EEA1: variants seen among roughly 807,000 people sequenced by gnomAD.
EEA1 encodes the protein early endosome antigen 1, 162kD.
Under a neutral mutation model 209.2 loss-of-function variants are expected in EEA1, and 111 were observed. The ratio of observed to expected loss-of-function variants is 0.53; its 90% CI spans 0.45 to 0.62. EEA1 has a LOEUF of 0.62. Ranked by LOEUF, EEA1 falls within the 20% of genes least tolerant of loss-of-function variation. The probability of loss-of-function intolerance (pLI) is 0.00; values close to 1 mark genes in which losing one functional copy is unlikely to be tolerated. For synonymous variants in EEA1, 536 were observed against 540.6 expected (o/e 0.99, Z 0.12); for missense variants, 1,343 against 1,530.8 (o/e 0.88, Z 2.05).
chr12:92,813,887 C>T (rs559863283), intron 15 of EEA1, among the ~76,000 whole-genome samples: 6 of 151,998 alleles, frequency 3.9e-5, no homozygotes, highest in Non-Finnish European at 8.8e-5. Context: ...GTGGCATGCA[C>T]CTGTAGTCAC....
chr12:92,923,843 T>C (rs1881106423), intron 1 of EEA1, among the ~76,000 whole-genome samples: 1 of 103,672 alleles, frequency 9.6e-6, no homozygotes, highest in Admixed American at 1.1e-4. Context: ...CTACCTCATC[T>C]ACAAAAAAAA....
intron 10 of EEA1, among the ~76,000 whole-genome samples, chr12:92,835,016 G>A (rs1876849736): frequency 6.6e-6 from 1 of 151,898 alleles, no homozygotes; most frequent in Non-Finnish European, 1.5e-5. Flanking sequence ...CAGCAGCTGG[G>A]ATTACAGGCT....
At chr12:92,842,161 T>C (rs917087563) in intron 10 of EEA1, among the ~76,000 whole-genome samples, 2 of 152,010 alleles carry the variant, frequency 1.3e-5, no homozygotes, top group African/African-American at 4.8e-5. Context: ...AAAAGACAAA[T>C]ACTGTATGGT....
chr12:92,798,770 G>GA, intron 21 of EEA1, 122 bp downstream of exon 21: 2 of 644,692 alleles, frequency 3.1e-6, no homozygotes, highest in Non-Finnish European at 4.8e-6. Flanking sequence ...ATTAAACTTA[G>GA]AAAAAAATTA....
At chr12:92,857,239 C>A in intron 5 of EEA1, 36 bp downstream of exon 5, 1 of 1,491,394 alleles carries the variant, frequency 6.7e-7, no homozygotes, top group African/African-American at 1.4e-5. Flanking sequence ...AAATAAACAA[C>A]TAATAAACAT....
In EEA1 at chr12:92,802,443, T is replaced by C. The variant is rs376570847; in HGVS notation, c.2631A>G (p.Glu877=). 17 of 1,579,688 alleles carry C rather than the reference T, an allele frequency of 1.1e-5. No individual in the cohort carries two copies. The Middle Eastern group carries it at 6.0e-4, about 56-fold the overall frequency. Reference sequence around the variant, plus strand: ...CGGCTTTTCCTTTCTGATTCTCCTTTTCAAATTCACTTTTAGAGTTTTTCA... The same window carrying C: ...CGGCTTTTCCTTTCTGATTCTCCTTCTCAAATTCACTTTTAGAGTTTTTCA... ...DSLKNSKSEF[E]KENQKGKAAI... Residue 877 remains glutamate (E), a synonymous_variant, in exon 19 of 29, where the codon GAA becomes GAG. Transcript: ENST00000322349.
intron 2 of EEA1, chr12:92,879,371 A>C (rs1444294051): frequency 4.4e-6 from 2 of 452,182 alleles, no homozygotes; most frequent in Non-Finnish European, 8.9e-6. Context: ...CACCTGTATT[A>C]AAATAGTAAC....
chr12:92,857,125 T>C, intron 5 of EEA1, 150 bp downstream of exon 5: 3 of 547,602 alleles, frequency 5.5e-6, no homozygotes, highest in Non-Finnish European at 9.5e-6. Context: ...CATACATTTG[T>C]TTGCATTCAT....
At position 92,809,066 on chromosome 12, in the gene EEA1, C is replaced by G; in HGVS notation, c.2290G>C (p.Glu764Gln). ...TTACTCAATTCTGTGGCTCTGAGCT[C>G]TAAATCTGTGTTCAGCTGTCTTTGC... Reference protein sequence around the residue: ...QQQRQLNTDLELRATELSKQL... With the variant: ...QQQRQLNTDLQLRATELSKQL... The change falls in exon 18 of 29, where the codon GAG becomes CAG. Residue 764 changes from glutamate to glutamine, a missense_variant. By Grantham distance (29) the Glu-to-Gln change is conservative. This residue lies in a region of EEA1 where 1,307 missense variants were observed against 1,465.5 expected (regional missense o/e 0.89). Transcript: ENST00000322349. The G allele has an allele frequency of 6.2e-7, 1 of 1,606,350 alleles. No homozygotes were observed. The highest frequency in any genetic ancestry group is 8.5e-7 in the Non-Finnish European group (1 of 1,175,870).
intron 11 of EEA1, among the ~76,000 whole-genome samples, chr12:92,829,051 C>T (rs1178682988): frequency 1.3e-5 from 2 of 152,160 alleles, no homozygotes; most frequent in Non-Finnish European, 2.9e-5. Context: ...TAGTACTTGC[C>T]TTATCCTCTC....
chr12:92,888,898 C>T (rs926865184), intron 2 of EEA1, among the ~76,000 whole-genome samples: 4 of 152,044 alleles, frequency 2.6e-5, no homozygotes, highest in Non-Finnish European at 2.9e-5. Flanking sequence ...ACCTATAATC[C>T]CGGCACTTTG....
chr12:92,891,757 A>G (rs1250084913), intron 1 of EEA1, 36 bp from the exon 2 acceptor site: 1 of 1,440,164 alleles, frequency 6.9e-7, no homozygotes, highest in Non-Finnish European at 9.6e-7. Flanking sequence ...AAAAAAACAA[A>G]GCAGACATTA....
Position 92,778,188 on chromosome 12 carries a change from AAG to A in EEA1, c.3655-11_3655-10del. On this transcript the variant is annotated splice_polypyrimidine_tract_variant and intron_variant, in intron 25 of 28. Transcript: ENST00000322349. ...TCTTTTATTTCGGAATGCTGAAAAA[AAG>A]GAAAAGTTGGGGGGAAATCTATTAC... 6.2e-6 allele frequency: 10 copies of A among 1,603,120 alleles called. No homozygotes were observed. In the South Asian group the frequency reaches 1.1e-4, roughly 18 times the overall value.
rs146130480 is a variant in EEA1 at position 92,871,287 on chromosome 12, A to G, written c.118-6300T>C. On this transcript the variant is annotated intron_variant, in intron 2 of 28. Coordinates refer to ENST00000322349, the MANE Select transcript of EEA1 (RefSeq NM_003566.4). ...TTATTGAAACTTCCTTTAAGCATGC[A>G]TAATTAAAGCAATCCATATTCCCTT... Among the ~76,000 whole-genome samples, 14 of 152,330 alleles carry G rather than the reference A, an allele frequency of 9.2e-5. No individual in the cohort carries two copies. In the East Asian group the frequency reaches 2.1e-3, roughly 23 times the overall value.
chr12:92,794,186 T>C (rs1874544301), intron 21 of EEA1, among the ~76,000 whole-genome samples: 1 of 152,092 alleles, frequency 6.6e-6, no homozygotes, highest in South Asian at 2.1e-4. Flanking sequence ...TGAGATACCA[T>C]CTCACGCCAG....
chr12:92,856,656 T>G (rs1003049309), intron 5 of EEA1, among the ~76,000 whole-genome samples: 5 of 152,032 alleles, frequency 3.3e-5, no homozygotes, highest in African/African-American at 1.2e-4. Flanking sequence ...CTTAAATGCT[T>G]TGAAGACTCA....
intron 17 of EEA1, among the ~76,000 whole-genome samples, chr12:92,809,781 T>C (rs771764941): frequency 1.6e-4 from 25 of 152,132 alleles, no homozygotes; most frequent in Non-Finnish European, 2.8e-4. Context: ...GTAAAAGTTA[T>C]TAACTCAAGT....
chr12:92,830,012 G>T (rs1442515054), intron 11 of EEA1, among the ~76,000 whole-genome samples: 7 of 78,526 alleles, frequency 8.9e-5, no homozygotes, highest in South Asian at 2.9e-4. Flanking sequence ...GGGAGAGTGT[G>T]GGGGGGGCGG....
intron 18 of EEA1, among the ~76,000 whole-genome samples, chr12:92,806,295 A>G (rs1363733409): frequency 6.6e-6 from 1 of 152,202 alleles, no homozygotes; most frequent in Non-Finnish European, 1.5e-5. Flanking sequence ...AATTAGCATG[A>G]TTAAGAATAA....
Sources: allele counts gnomAD v4.1 joint callset (sites outside exome capture counted in the v4.1 genomes callset), GRCh38; gene constraint gnomAD v4.1.1; regional missense constraint gnomAD v4.1.1; transcripts MANE v1.5; gene names NCBI Gene and HGNC (gene_info 2026-07-23, HGNC 2026-07-21).